Variants in IFT80 observed in about 807,000 individuals in gnomAD.
IFT80 encodes the protein intraflagellar transport protein 80 homolog.
Under a neutral mutation model 107.9 loss-of-function variants are expected in IFT80, and 79 were observed. That is an observed-to-expected ratio of 0.73 (90% CI 0.61 to 0.88). IFT80 has a LOEUF of 0.88. Ranked by LOEUF, IFT80 falls within the 40% of genes least tolerant of loss-of-function variation. The pLI is 0.00. For synonymous variants in IFT80, 299 were observed against 300.9 expected, an observed-to-expected ratio of 0.99 and a Z score of 0.07; for missense variants, 797 against 914.2, an observed-to-expected ratio of 0.87 and a Z score of 1.65.
rs890846348 is a variant in IFT80 at position 160,257,675 on chromosome 3, G to A, written c.*850C>T. 1 of 151,966 alleles carries A rather than the reference G, an allele frequency of 6.6e-6. No homozygotes were observed. The highest frequency in any genetic ancestry group is 2.4e-5 in the African/African-American group (1 of 41,376). The allele number at this position is 151,966 out of a possible 1,614,324, so 9.4% of individuals were successfully genotyped here. ...TAGTGGCATTAACATTCAAAATGTT[G>A]AGCAACCATCATCGCTATCCATTTC... On this transcript the variant is annotated 3_prime_UTR_variant, in exon 20 of 20. Transcript: ENST00000326448.
chr3:160,351,557 G>GTA lies in IFT80; in HGVS notation c.777+4454_777+4455dup, dbSNP rs1014545956. Among the ~76,000 whole-genome samples the GTA allele has an allele frequency of 6.5e-4, 91 of 140,988 alleles. 1 individual carries two copies. Among genetic ancestry groups the GTA allele is most frequent in the South Asian group, 5.5e-3 (25 of 4,548 alleles). 92.5% of individuals were successfully genotyped at this position (140,988 alleles called of 152,430 possible). A position where few individuals can be genotyped will look rare whatever the true frequency, so the allele number is the denominator to read the frequency against. ...ATATATATATACACATATATTATAT[G>GTA]TATATATATATACACACATATATTA... On this transcript the variant is annotated intron_variant, in intron 8 of 19. Transcript: ENST00000326448.
intron 10 of IFT80, among the ~76,000 whole-genome samples, chr3:160,304,323 T>A (rs1716660625): frequency 6.6e-6 from 1 of 152,172 alleles, no homozygotes; most frequent in African/African-American, 2.4e-5. Context: ...CATCTAATGA[T>A]TCTCATTTTA....
intron 8 of IFT80, 143 bp downstream of exon 8, chr3:160,355,870 A>G: frequency 2.0e-6 from 2 of 997,714 alleles, no homozygotes; most frequent in Non-Finnish European, 3.1e-6. Context: ...GAATTGATTG[A>G]ACCAGCATAT....
chr3:160,273,214 A>G (rs1445788489), intron 18 of IFT80, among the ~76,000 whole-genome samples: 3 of 152,212 alleles, frequency 2.0e-5, no homozygotes, highest in Non-Finnish European at 4.4e-5. Flanking sequence ...CTTTTGCTGA[A>G]TATTTGCAGT....
chr3:160,286,664 C>T (rs1715115498), intron 12 of IFT80, among the ~76,000 whole-genome samples: 1 of 152,130 alleles, frequency 6.6e-6, no homozygotes, highest in Non-Finnish European at 1.5e-5. Context: ...AACTTCAGCA[C>T]AGCATGTCAA....
intron 5 of IFT80, among the ~76,000 whole-genome samples, chr3:160,372,184 A>C (rs188499431): frequency 8.5e-5 from 13 of 152,346 alleles, no homozygotes; most frequent in African/African-American, 2.6e-4. Context: ...ACACATAGAC[A>C]AAGTCACATG....
intron 5 of IFT80, among the ~76,000 whole-genome samples, chr3:160,368,002 A>C (rs1198298346): frequency 6.6e-6 from 1 of 151,976 alleles, no homozygotes; most frequent in Non-Finnish European, 1.5e-5. Context: ...CCATCTTTTA[A>C]AAATTGTCTA....
intron 12 of IFT80, chr3:160,299,119 T>C: frequency 1.0e-6 from 1 of 988,622 alleles, no homozygotes; most frequent in Non-Finnish European, 1.2e-6. Context: ...AAAACAAAAA[T>C]CTGGCTTCCA....
intron 2 of IFT80, chr3:160,384,330 G>A: frequency 9.7e-7 from 1 of 1,034,894 alleles, no homozygotes; most frequent in Non-Finnish European, 1.2e-6. Context: ...TAGTACTTAA[G>A]TAGAGTAAGA....
At chr3:160,356,568 T>C (rs1362763469) in intron 7 of IFT80, among the ~76,000 whole-genome samples, 1 of 152,248 alleles carries the variant, frequency 6.6e-6, no homozygotes, top group Non-Finnish European at 1.5e-5. Context: ...TGGCCCAGGC[T>C]GGAGTACAGT....
intron 3 of IFT80, among the ~76,000 whole-genome samples, chr3:160,380,512 G>A (rs1012966047): frequency 2.6e-5 from 4 of 152,074 alleles, no homozygotes; most frequent in Non-Finnish European, 5.9e-5. Flanking sequence ...ACAGGGACCC[G>A]ATGCAACTAG....
At chr3:160,353,855 ATT>A (rs1196533870) in intron 8 of IFT80, among the ~76,000 whole-genome samples, 1 of 152,222 alleles carries the variant, frequency 6.6e-6, no homozygotes, top group African/African-American at 2.4e-5. Context: ...AGTAGTATAT[ATT>A]TAATGTCTAT....
chr3:160,376,680 C>T (rs1048377087), intron 4 of IFT80, among the ~76,000 whole-genome samples: 2 of 152,190 alleles, frequency 1.3e-5, no homozygotes, highest in Non-Finnish European at 2.9e-5. Context: ...GGGTACACTA[C>T]AAAAGATACA....
chr3:160,296,911 C>T (rs1176102147), intron 12 of IFT80, among the ~76,000 whole-genome samples: 1 of 152,136 alleles, frequency 6.6e-6, no homozygotes, highest in Non-Finnish European at 1.5e-5. Context: ...TTGGACCATT[C>T]CTCATTCTTC....
chr3:160,354,247 G>A (rs895582999), intron 8 of IFT80, among the ~76,000 whole-genome samples: 11 of 152,180 alleles, frequency 7.2e-5, no homozygotes, highest in Admixed American at 3.3e-4. Context: ...TTGTAATTGA[G>A]AAAGGAGGGA....
chr3:160,313,546 A>G (rs1717567823), intron 9 of IFT80, among the ~76,000 whole-genome samples: 1 of 152,060 alleles, frequency 6.6e-6, no homozygotes, highest in Non-Finnish European at 1.5e-5. Flanking sequence ...AAGGCACTCT[A>G]GTAATTGCTG....
At chr3:160,320,160 C>G in intron 8 of IFT80, 1 of 470,972 alleles carries the variant, frequency 2.1e-6, no homozygotes. Context: ...TATGAAATAT[C>G]TCAAGAACTG....
chr3:160,322,035 TTTATTTA>T (rs1254168827), intron 8 of IFT80, among the ~76,000 whole-genome samples: 2 of 146,380 alleles, frequency 1.4e-5, no homozygotes, highest in Non-Finnish European at 3.0e-5. Context: ...TATTTATTTA[TTTATTTA>T]TTATTATTAT....
chr3:160,267,166 CCTCA>C (rs1713401790), intron 19 of IFT80, among the ~76,000 whole-genome samples: 1 of 152,166 alleles, frequency 6.6e-6, no homozygotes, highest in Non-Finnish European at 1.5e-5. Context: ...GTCTCAAAGG[CCTCA>C]CTAACATGAA....
Sources: gnomAD v4.1 joint callset for allele counts (sites outside exome capture counted in the v4.1 genomes callset) on GRCh38, gnomAD v4.1.1 for gene constraint, MANE v1.5 for transcripts, NCBI Gene and HGNC (gene_info 2026-07-23, HGNC 2026-07-21) for gene names.